The following CPNE8 variants were observed in gnomAD, a reference collection of about 807,000 sequenced individuals.
CPNE8 encodes copine-8.
In CPNE8, 45 loss-of-function variants were observed where a neutral mutation model predicts 81.5. The ratio of observed to expected loss-of-function variants is 0.55; its 90% CI spans 0.44 to 0.71. CPNE8 has a LOEUF of 0.71. Among genes scored for constraint, CPNE8 ranks in the 30% least tolerant of loss-of-function variants. CPNE8 has a pLI of 0.00. For synonymous variants in CPNE8, 252 were observed against 226.3 expected (o/e 1.11, Z -1.02); for missense variants, 594 against 672.1 (o/e 0.88, Z 1.28).
chr12:38,796,025 C>T (rs917135932), intron 6 of CPNE8, among the ~76,000 whole-genome samples: 10 of 152,124 alleles, frequency 6.6e-5, no homozygotes, highest in African/African-American at 1.9e-4. Context: ...CTTTGAGAGG[C>T]CGAGGCAGGC....
chr12:38,900,603 G>T (rs1347725612), intron 1 of CPNE8, among the ~76,000 whole-genome samples: 1 of 152,214 alleles, frequency 6.6e-6, no homozygotes, highest in Admixed American at 6.5e-5. Flanking sequence ...CAGAAAAGAA[G>T]GGGAAGGGAG....
intron 3 of CPNE8, among the ~76,000 whole-genome samples, chr12:38,872,084 A>G (rs375539556): frequency 8.5e-5 from 13 of 152,124 alleles, no homozygotes; most frequent in African/African-American, 2.9e-4. Flanking sequence ...GCAGTGAGCC[A>G]AGATTGTGCC....
intron 6 of CPNE8, among the ~76,000 whole-genome samples, chr12:38,808,638 G>T (rs989878347): frequency 1.3e-5 from 2 of 150,010 alleles, no homozygotes; most frequent in African/African-American, 4.9e-5. Context: ...AGCATTAGGA[G>T]ATATATCTAA....
chr12:38,664,393 T>A (rs1939022422), intron 19 of CPNE8, among the ~76,000 whole-genome samples: 1 of 152,138 alleles, frequency 6.6e-6, no homozygotes, highest in African/African-American at 2.4e-5. Flanking sequence ...TCATAATTAC[T>A]ATTTCTATTC....
chr12:38,817,087 T>C (rs1157200480), intron 6 of CPNE8, among the ~76,000 whole-genome samples: 13 of 152,288 alleles, frequency 8.5e-5, no homozygotes, highest in African/African-American at 4.8e-5. Flanking sequence ...CCAGGGAATA[T>C]GTGAGCCAAT....
At chr12:38,726,660 C>A (rs1009219377) in intron 11 of CPNE8, 2 of 152,184 alleles carry the variant, frequency 1.3e-5, no homozygotes, top group African/African-American at 4.8e-5. Context: ...ATAAAAAGTT[C>A]AGTGATACAT....
chr12:38,795,768 T>C (rs1168432402), intron 6 of CPNE8, among the ~76,000 whole-genome samples: 1 of 152,112 alleles, frequency 6.6e-6, no homozygotes, highest in South Asian at 2.1e-4. Flanking sequence ...TTTTGTAAGA[T>C]GAAAAAGTTC....
At chr12:38,828,648 A>G (rs1455589399) in intron 6 of CPNE8, among the ~76,000 whole-genome samples, 1 of 152,206 alleles carries the variant, frequency 6.6e-6, no homozygotes, top group Non-Finnish European at 1.5e-5. Context: ...AAAGACTTCA[A>G]AATTCCCTAA....
intron 19 of CPNE8, among the ~76,000 whole-genome samples, chr12:38,656,718 A>C (rs1938828808): frequency 6.6e-6 from 1 of 152,132 alleles, no homozygotes; most frequent in African/African-American, 2.4e-5. Flanking sequence ...GAACTAACAC[A>C]AATTCTTCTC....
intron 13 of CPNE8, among the ~76,000 whole-genome samples, chr12:38,715,586 C>T (rs1335260661): frequency 1.3e-5 from 2 of 151,942 alleles, no homozygotes; most frequent in African/African-American, 4.8e-5. Flanking sequence ...TAATGAAATC[C>T]AGCATTGCTT....
chr12:38,676,249 T>C, intron 17 of CPNE8: 1 of 933,120 alleles, frequency 1.1e-6, no homozygotes, highest in Non-Finnish European at 1.3e-6. Flanking sequence ...TACAGAATAA[T>C]ATACTTGATT....
intron 8 of CPNE8, among the ~76,000 whole-genome samples, chr12:38,763,013 T>G (rs987827651): frequency 5.9e-5 from 9 of 152,142 alleles, no homozygotes; most frequent in Non-Finnish European, 1.2e-4. Context: ...CGCCTGCCAC[T>G]GCACCCAACT....
At chr12:38,748,186 T>G (rs1376938204) in intron 10 of CPNE8, among the ~76,000 whole-genome samples, 1 of 151,796 alleles carries the variant, frequency 6.6e-6, no homozygotes, top group Non-Finnish European at 1.5e-5. Context: ...AATTTTTGTA[T>G]TTTTAGTAGA....
At chr12:38,729,415 A>C (rs977201015) in intron 11 of CPNE8, among the ~76,000 whole-genome samples, 1 of 152,060 alleles carries the variant, frequency 6.6e-6, no homozygotes, top group African/African-American at 2.4e-5. Context: ...TACACAAAAC[A>C]TATTTTATAT....
At chr12:38,727,556 GCTCCATT>G (rs1044187314) in intron 11 of CPNE8, among the ~76,000 whole-genome samples, 2 of 152,160 alleles carry the variant, frequency 1.3e-5, no homozygotes, top group Non-Finnish European at 2.9e-5. Flanking sequence ...TTCTGGAAAA[GCTCCATT>G]CATAGGGCTT....
At chr12:38,723,746 C>A (rs779168337) in intron 13 of CPNE8, 26 bp downstream of exon 13, 2 of 1,469,774 alleles carry the variant, frequency 1.4e-6, no homozygotes, top group African/African-American at 1.4e-5. Context: ...GCCTAAGCAA[C>A]GAAACAATTT....
intron 19 of CPNE8, among the ~76,000 whole-genome samples, chr12:38,663,827 T>G (rs1447214217): frequency 6.6e-6 from 1 of 152,108 alleles, no homozygotes; most frequent in Non-Finnish European, 1.5e-5. Flanking sequence ...TGCGGCAGCA[T>G]GGATGAGCCC....
intron 11 of CPNE8, among the ~76,000 whole-genome samples, chr12:38,725,448 T>C (rs966993237): frequency 6.6e-6 from 1 of 152,140 alleles, no homozygotes; most frequent in African/African-American, 2.4e-5. Context: ...TAAATAAGAT[T>C]GCACCTCTAT....
chr12:38,723,746 C>T (rs779168337), intron 13 of CPNE8, 26 bp downstream of exon 13: 26 of 1,469,774 alleles, frequency 1.8e-5, no homozygotes, highest in South Asian at 1.3e-4. Context: ...GCCTAAGCAA[C>T]GAAACAATTT....
Sources: gnomAD v4.1 joint callset for allele counts (sites outside exome capture counted in the v4.1 genomes callset) on GRCh38, gnomAD v4.1.1 for gene constraint, MANE v1.5 for transcripts, NCBI Gene and HGNC (gene_info 2026-07-23, HGNC 2026-07-21) for gene names.